EFNA5: variants seen among roughly 807,000 people sequenced by gnomAD.
The protein encoded by EFNA5 is ephrin-A5.
EFNA5 carries 5 observed loss-of-function variants against 22.9 expected under a neutral mutation model. The ratio of observed to expected loss-of-function variants is 0.22; its 90% CI spans 0.11 to 0.46. The LOEUF is 0.46. Ranked by LOEUF, EFNA5 falls within the 20% of genes least tolerant of loss-of-function variation. The probability of loss-of-function intolerance (pLI) is 0.99; values close to 1 mark genes in which losing one functional copy is unlikely to be tolerated. For synonymous variants in EFNA5, 113 were observed against 112.2 expected, an observed-to-expected ratio of 1.01 and a Z score of -0.04; for missense variants, 237 against 293.3, an observed-to-expected ratio of 0.81 and a Z score of 1.40.
At chr5:107,424,494 A>G (rs1748758595) in intron 2 of EFNA5, among the ~76,000 whole-genome samples, 1 of 151,216 alleles carries the variant, frequency 6.6e-6, no homozygotes. Context: ...AGGATTACAG[A>G]TGTGAGCCAC....
At chr5:107,423,366 A>C (rs368160205) in intron 2 of EFNA5, among the ~76,000 whole-genome samples, 3 of 151,758 alleles carry the variant, frequency 2.0e-5, no homozygotes, top group South Asian at 4.2e-4. Context: ...AATATTTAAG[A>C]GTATCATTTC....
rs532741917 is a variant in EFNA5 at position 107,641,450 on chromosome 5, T to G, written c.125+29039A>C. Among the ~76,000 whole-genome samples, 307 of 152,256 alleles carry G rather than the reference T, an allele frequency of 2.0e-3. 1 individual carries two copies. Among genetic ancestry groups the G allele is most frequent in the African/African-American group, 7.1e-3 (295 of 41,546 alleles). ...AAAATGAGTAATCATCAATTTCCAG[T>G]GCTTATAATTTTCTGATTAAGGTTA... On this transcript the variant is annotated intron_variant, in intron 1 of 4. Coordinates refer to ENST00000333274, the MANE Select transcript of EFNA5 (RefSeq NM_001962.3).
At chr5:107,458,347 G>A (rs569068089) in intron 1 of EFNA5, among the ~76,000 whole-genome samples, 24 of 152,042 alleles carry the variant, frequency 1.6e-4, no homozygotes, top group African/African-American at 4.1e-4. Flanking sequence ...CAAAGATTTC[G>A]GCCTGGTCAG....
intron 2 of EFNA5, among the ~76,000 whole-genome samples, chr5:107,423,536 C>G (rs1748726749): frequency 6.6e-6 from 1 of 151,902 alleles, no homozygotes; most frequent in African/African-American, 2.4e-5. Context: ...GCTACCATAT[C>G]CAGCTAAAAT....
intron 1 of EFNA5, among the ~76,000 whole-genome samples, chr5:107,496,850 G>A (rs1227346398): frequency 1.3e-5 from 2 of 152,204 alleles, no homozygotes; most frequent in Non-Finnish European, 2.9e-5. Context: ...TAATCTCCCT[G>A]AATGAGACAA....
chr5:107,381,264 C>A lies in EFNA5; in HGVS notation c.678G>T (p.Leu226Phe). Residue 226 changes from leucine (L) to phenylalanine (F), a missense_variant, in exon 5 of 5, where the codon TTG becomes TTT. Around this residue, in one of 3 missense-constraint regions of EFNA5, gnomAD observed 104 missense variants for 114.5 expected, o/e 0.91. Coordinates refer to ENST00000333274, the MANE Select transcript of EFNA5 (RefSeq NM_001962.3). ...ATGGGAGGAGACTGTGCTATAATGT[C>A]AAAAGCATCGCCAGGAGGAACAGTA... ...AILLFLLAML[L>F]TL The A allele has an allele frequency of 6.2e-7, 1 of 1,613,778 alleles. No individual in the cohort carries two copies. Among genetic ancestry groups the A allele is most frequent in the South Asian group, 1.1e-5 (1 of 91,054 alleles).
chr5:107,619,003 G>A (rs1314854844), intron 1 of EFNA5, among the ~76,000 whole-genome samples: 3 of 150,780 alleles, frequency 2.0e-5, no homozygotes, highest in Non-Finnish European at 4.4e-5. Context: ...CTCACTGCAA[G>A]CTCTGCCTCC....
intron 1 of EFNA5, among the ~76,000 whole-genome samples, chr5:107,568,793 A>T (rs10041017): frequency 0.029 from 4,425 of 152,320 alleles, 209 homozygotes; most frequent in African/African-American, 0.098. Flanking sequence ...AAAATTTGAT[A>T]CAGAATATCT....
intron 1 of EFNA5, among the ~76,000 whole-genome samples, chr5:107,520,332 A>G (rs770284588): frequency 6.6e-6 from 1 of 152,232 alleles, no homozygotes; most frequent in African/African-American, 2.4e-5. Context: ...CACTCTCAAT[A>G]CAATAAAGTC....
intron 1 of EFNA5, among the ~76,000 whole-genome samples, chr5:107,662,117 A>G (rs1244493437): frequency 1.3e-5 from 2 of 152,212 alleles, no homozygotes; most frequent in African/African-American, 4.8e-5. Context: ...TGAACATTCA[A>G]GTTATTTTAG....
At chr5:107,518,261 A>G (rs1433994534) in intron 1 of EFNA5, among the ~76,000 whole-genome samples, 2 of 151,126 alleles carry the variant, frequency 1.3e-5, no homozygotes, top group Non-Finnish European at 2.9e-5. Context: ...GTAATTAGAA[A>G]GCCCCACTCG....
chr5:107,610,439 T>G (rs1201264167), intron 1 of EFNA5, among the ~76,000 whole-genome samples: 1 of 152,226 alleles, frequency 6.6e-6, no homozygotes, highest in Non-Finnish European at 1.5e-5. Flanking sequence ...TTAGTTTATA[T>G]ACTAATACAG....
chr5:107,656,514 T>C (rs182813252), intron 1 of EFNA5, among the ~76,000 whole-genome samples: 73 of 152,312 alleles, frequency 4.8e-4, no homozygotes, highest in Middle Eastern at 3.4e-3. Context: ...AAATAAGTTT[T>C]ATTTGTAAGA....
At chr5:107,388,674 T>C (rs1261323182) in intron 2 of EFNA5, 10 of 152,220 alleles carry the variant, frequency 6.6e-5, no homozygotes, top group Non-Finnish European at 1.2e-4. Flanking sequence ...TATTTACTAA[T>C]GCATCCTAGA....
intron 1 of EFNA5, among the ~76,000 whole-genome samples, chr5:107,632,791 T>C (rs1197326687): frequency 6.6e-6 from 1 of 152,226 alleles, no homozygotes; most frequent in Non-Finnish European, 1.5e-5. Context: ...TTTTAACTAT[T>C]ATAGGAGATC....
chr5:107,436,457 C>T (rs75023416), intron 1 of EFNA5, among the ~76,000 whole-genome samples: 2,453 of 152,274 alleles, frequency 0.016, 52 homozygotes, highest in African/African-American at 0.057. Context: ...CCTAACACAT[C>T]ACAGATCACT....
Position 107,557,293 on chromosome 5 carries a change from GT to G in EFNA5, c.125+113195del, listed in dbSNP as rs1748442716. 2.1e-5 allele frequency among the ~76,000 whole-genome samples: 3 copies of G among 145,994 alleles called. 1 individual carries two copies. Among genetic ancestry groups the G allele is most frequent in the Non-Finnish European group, 3.0e-5 (2 of 65,966 alleles). On this transcript the variant is annotated intron_variant, in intron 1 of 4. Coordinates refer to ENST00000333274, the MANE Select transcript of EFNA5 (RefSeq NM_001962.3). Reference sequence around the variant, plus strand: ...CGAGAGAGGGAAGCCTGGAGGTCAGGTGGCAGGCATCCTAGCTTGAGTTTCA... The same window carrying G: ...CGAGAGAGGGAAGCCTGGAGGTCAGGGGCAGGCATCCTAGCTTGAGTTTCA...
intron 1 of EFNA5, among the ~76,000 whole-genome samples, chr5:107,529,554 G>C (rs1024104665): frequency 6.6e-6 from 1 of 152,202 alleles, no homozygotes; most frequent in Non-Finnish European, 1.5e-5. Flanking sequence ...AAAAGGCATG[G>C]AGGCAACAGA....
intron 2 of EFNA5, among the ~76,000 whole-genome samples, chr5:107,422,182 G>C (rs1341897824): frequency 1.3e-5 from 2 of 152,088 alleles, no homozygotes; most frequent in East Asian, 1.9e-4. Flanking sequence ...AACTTTTCTG[G>C]GCCTCAGTTT....
Sources: allele counts gnomAD v4.1 joint callset (sites outside exome capture counted in the v4.1 genomes callset), GRCh38; gene constraint gnomAD v4.1.1; regional missense constraint gnomAD v4.1.1; transcripts MANE v1.5; gene names NCBI Gene and HGNC (gene_info 2026-07-23, HGNC 2026-07-21).